Variants in STPG4 observed in about 807,000 individuals in gnomAD.
STPG4 encodes sperm-tail PG-rich repeat containing 4, also known as protein STPG4.
A neutral mutation model predicts 31.5 loss-of-function variants in STPG4; 41 were observed. The ratio of observed to expected loss-of-function variants is 1.30; its 90% CI spans 1.01 to 1.69. STPG4 has a LOEUF of 1.69. Among genes scored for constraint, STPG4 ranks in the 40% most tolerant of loss-of-function variants. STPG4 has a pLI of 0.00. For missense variants in STPG4, 375 were observed against 293.4 expected, an observed-to-expected ratio of 1.28 and a Z score of -2.03; for synonymous variants, 141 against 103.0, an observed-to-expected ratio of 1.37 and a Z score of -2.24.
At chr2:47,116,722 T>C (rs1686160716) in intron 5 of STPG4, among the ~76,000 whole-genome samples, 1 of 152,222 alleles carries the variant, frequency 6.6e-6, no homozygotes, top group African/African-American at 2.4e-5. Context: ...GATAGGTCAC[T>C]AATGCCTTAG....
chr2:47,127,013 A>G (rs892711051), intron 5 of STPG4, among the ~76,000 whole-genome samples: 1 of 152,060 alleles, frequency 6.6e-6, no homozygotes, highest in Non-Finnish European at 1.5e-5. Context: ...AAATATGCTT[A>G]GTGTTCTATA....
chr2:47,136,393 C>A (rs1686597694), intron 3 of STPG4, among the ~76,000 whole-genome samples: 1 of 152,154 alleles, frequency 6.6e-6, no homozygotes, highest in African/African-American at 2.4e-5. Context: ...GGTGATGCAC[C>A]CGCTTTGGCC....
chr2:47,137,227 A>G (rs1346337734), intron 3 of STPG4, among the ~76,000 whole-genome samples: 1 of 152,204 alleles, frequency 6.6e-6, no homozygotes, highest in African/African-American at 2.4e-5. Context: ...CTTTTTCTGC[A>G]TCTATTGACA....
chr2:47,127,113 C>T (rs1314728233), intron 5 of STPG4, among the ~76,000 whole-genome samples: 1 of 151,970 alleles, frequency 6.6e-6, no homozygotes, highest in Non-Finnish European at 1.5e-5. Context: ...ACTTCAATCT[C>T]TCTCTCTATC....
intron 3 of STPG4, among the ~76,000 whole-genome samples, chr2:47,146,513 C>G (rs573790244): frequency 7.9e-4 from 119 of 151,230 alleles, no homozygotes; most frequent in Non-Finnish European, 1.4e-3. Context: ...ACCACTTGAG[C>G]CCAGGAGTTT....
Position 47,129,982 on chromosome 2 carries a change from G to C in STPG4, c.478C>G (p.Arg160Gly), listed in dbSNP as rs141614874. 7 of 1,568,628 alleles carry C rather than the reference G, an allele frequency of 4.5e-6. No homozygotes were observed. The highest frequency in any genetic ancestry group is 1.7e-5 in the Admixed American group (1 of 59,474). ...PKYASRSCVF[R>G]STVQRFPTTY... ...GTTGGGAATCTTTGAACTGTTGAGCGAAATACACAGCTCCTATATTTCAAA... is the reference window on the plus strand; with the variant it reads ...GTTGGGAATCTTTGAACTGTTGAGCCAAATACACAGCTCCTATATTTCAAA... Residue 160 changes from arginine to glycine, a missense_variant, in exon 5 of 7, where the codon CGC becomes GGC. Coordinates refer to ENST00000445927, the MANE Select transcript of STPG4 (RefSeq NM_001163561.2).
intron 5 of STPG4, among the ~76,000 whole-genome samples, chr2:47,122,047 C>T (rs1686283034): frequency 1.3e-5 from 2 of 152,086 alleles, no homozygotes; most frequent in East Asian, 1.9e-4. Context: ...CCTTCTATAC[C>T]ACCCACATAC....
chr2:47,141,054 T>C (rs1165007661), intron 3 of STPG4, among the ~76,000 whole-genome samples: 1 of 151,968 alleles, frequency 6.6e-6, no homozygotes, highest in Non-Finnish European at 1.5e-5. Flanking sequence ...GGCCAGCTAA[T>C]TTCTGTATTT....
intron 5 of STPG4, among the ~76,000 whole-genome samples, chr2:47,096,307 G>A (rs1685667734): frequency 1.3e-5 from 2 of 152,170 alleles, no homozygotes; most frequent in Admixed American, 1.3e-4. Context: ...AGGGGTCCGA[G>A]ACGCCTCTCA....
intron 3 of STPG4, among the ~76,000 whole-genome samples, chr2:47,146,517 G>C (rs1280592481): frequency 1.3e-5 from 2 of 150,666 alleles, no homozygotes; most frequent in African/African-American, 4.9e-5. Flanking sequence ...CTTGAGCCCA[G>C]GAGTTTGAGA....
rs114772104 is a variant in STPG4 at position 47,088,936 on chromosome 2, A to C, written c.624+1334T>G. On this transcript the variant is annotated intron_variant, in intron 6 of 6. Transcript: ENST00000445927. Reference sequence around the variant, plus strand: ...AAGGTTCAGGGGGCCTGCATCTCACAAGGCCACCCCTCGGGAGGCTGCTGG... The same window carrying C: ...AAGGTTCAGGGGGCCTGCATCTCACCAGGCCACCCCTCGGGAGGCTGCTGG... Among the ~76,000 whole-genome samples the C allele has an allele frequency of 7.9e-3, 1,205 of 152,272 alleles. 12 individuals are homozygous for C. Among genetic ancestry groups the C allele is most frequent in the African/African-American group, 0.028 (1,150 of 41,540 alleles).
At chr2:47,129,873 A>G in intron 5 of STPG4, 68 bp downstream of exon 5, 1 of 1,587,602 alleles carries the variant, frequency 6.3e-7, no homozygotes, top group South Asian at 1.2e-5. Context: ...ACCTTGCTCC[A>G]CTCCAGAAAG....
chr2:47,117,552 C>A (rs6725698), intron 5 of STPG4, among the ~76,000 whole-genome samples: 139 of 152,228 alleles, frequency 9.1e-4, no homozygotes, highest in African/African-American at 3.1e-3. Flanking sequence ...TAATTTGGGG[C>A]GCCATGTTTC....
intron 3 of STPG4, among the ~76,000 whole-genome samples, chr2:47,149,351 T>C (rs972756144): frequency 9.9e-5 from 15 of 152,186 alleles, no homozygotes; most frequent in Non-Finnish European, 1.0e-4. Context: ...TTCAGGGACT[T>C]GTAAAAGCGA....
chr2:47,092,795 TTC>T (rs1685597840), intron 5 of STPG4, among the ~76,000 whole-genome samples: 1 of 56,098 alleles, frequency 1.8e-5, no homozygotes, highest in East Asian at 3.8e-4. Context: ...CCCTCCACGG[TTC>T]TGTTTTTTTT....
intron 3 of STPG4, among the ~76,000 whole-genome samples, chr2:47,145,506 C>T (rs1194197586): frequency 6.6e-6 from 1 of 152,156 alleles, no homozygotes; most frequent in Admixed American, 6.5e-5. Flanking sequence ...TGAGTTGTAC[C>T]AGACTGGTGG....
intron 1 of STPG4, among the ~76,000 whole-genome samples, chr2:47,153,727 C>T (rs1010408840): frequency 1.3e-5 from 2 of 152,054 alleles, no homozygotes; most frequent in African/African-American, 4.8e-5. Context: ...GGGCCGAGAT[C>T]ACATCACTGC....
At chr2:47,150,293 C>T (rs1321394705) in intron 3 of STPG4, among the ~76,000 whole-genome samples, 2 of 152,212 alleles carry the variant, frequency 1.3e-5, no homozygotes, top group East Asian at 1.9e-4. Flanking sequence ...TCTCCTTTGG[C>T]ATTTCCAGCT....
chr2:47,123,865 C>A (rs1686318271), intron 5 of STPG4, among the ~76,000 whole-genome samples: 1 of 152,102 alleles, frequency 6.6e-6, no homozygotes, highest in Non-Finnish European at 1.5e-5. Flanking sequence ...TATTTTGATA[C>A]AAGCATACAA....
Sources: gnomAD v4.1 joint callset for allele counts (sites outside exome capture counted in the v4.1 genomes callset) on GRCh38, gnomAD v4.1.1 for gene constraint, MANE v1.5 for transcripts, NCBI Gene and HGNC (gene_info 2026-07-23, HGNC 2026-07-21) for gene names.